Variants in SAMD5 observed in about 807,000 individuals in gnomAD.
SAMD5 encodes the protein sterile alpha motif domain-containing protein 5.
Under a neutral mutation model 11.3 loss-of-function variants are expected in SAMD5, and 13 were observed. That is an observed-to-expected ratio of 1.15 (90% confidence interval 0.75 to 1.83). SAMD5 has a LOEUF of 1.83. Ranked by LOEUF, SAMD5 falls within the 40% of genes most tolerant of loss-of-function variation. SAMD5 has a pLI of 0.00. For missense variants in SAMD5, 255 were observed against 239.1 expected (o/e 1.07, Z -0.44); for synonymous variants, 129 against 111.3 (o/e 1.16, Z -1.00).
intron 1 of SAMD5, among the ~76,000 whole-genome samples, chr6:147,538,486 T>A (rs997417663): frequency 3.9e-5 from 6 of 152,248 alleles, no homozygotes; most frequent in South Asian, 2.1e-4. Flanking sequence ...TATGTTATAA[T>A]GTTAACTTTT....
At chr6:147,657,078 G>T (rs1255826562) in intron 1 of SAMD5, among the ~76,000 whole-genome samples, 1 of 151,970 alleles carries the variant, frequency 6.6e-6, no homozygotes, top group Non-Finnish European at 1.5e-5. Flanking sequence ...AAAAATATGA[G>T]GAATTTTCAC....
At chr6:147,856,807 G>A in the SAMD5 span, among the ~76,000 whole-genome samples, 10 of 110,712 alleles carry the variant, frequency 9.0e-5, 1 homozygote, top group Admixed American at 3.6e-4. Flanking sequence ...TAATGACTTA[G>A]TTTTCTGGGG....
chr6:147,516,052 G>C (rs1324418055), intron 1 of SAMD5, among the ~76,000 whole-genome samples: 1 of 152,178 alleles, frequency 6.6e-6, no homozygotes, highest in Non-Finnish European at 1.5e-5. Context: ...AGGAGGTGCT[G>C]ATTCTCAGGC....
intron 1 of SAMD5, among the ~76,000 whole-genome samples, chr6:147,694,952 A>G (rs190510592): frequency 3.9e-5 from 6 of 152,334 alleles, no homozygotes; most frequent in Admixed American, 3.3e-4. Flanking sequence ...TAATCTGGAA[A>G]CTGATTTTGA....
rs567843489 is a variant in SAMD5, at chr6:147,627,958, A to G, written c.163-109359A>G. On this transcript the variant is annotated intron_variant, in intron 1 of 1. Coordinates refer to the SAMD5 transcript ENST00000566741. ...TTGTGTGTGAAAGGGTTAATAATAA[A>G]GGCTGTTGTATTCCCCTGCCCAGGA... 2.6e-5 allele frequency among the ~76,000 whole-genome samples: 4 copies of G among 152,366 alleles called. No individual in the cohort carries two copies. The South Asian group carries it at 6.2e-4, about 24-fold the overall frequency.
At chr6:147,802,940 T>A in the SAMD5 span, among the ~76,000 whole-genome samples, 1 of 152,210 alleles carries the variant, frequency 6.6e-6, no homozygotes, top group South Asian at 2.1e-4. Context: ...TGGGGGTGTT[T>A]ATGTGTTGAC....
chr6:147,926,181 A>G, the SAMD5 span, among the ~76,000 whole-genome samples: 1 of 152,156 alleles, frequency 6.6e-6, no homozygotes. Flanking sequence ...ACAATGATTT[A>G]TATGCCTCTG....
intron 1 of SAMD5, among the ~76,000 whole-genome samples, chr6:147,607,189 C>CA (rs1351261077): frequency 1.3e-5 from 2 of 151,602 alleles, no homozygotes; most frequent in Non-Finnish European, 1.5e-5. Context: ...TGGAGCACAC[C>CA]AAAAAAATGG....
intron 1 of SAMD5, among the ~76,000 whole-genome samples, chr6:147,629,615 T>G (rs1790110171): frequency 6.6e-6 from 1 of 152,204 alleles, no homozygotes; most frequent in Non-Finnish European, 1.5e-5. Context: ...CAGAAGATCT[T>G]ATATTATTTG....
chr6:147,541,157 C>T (rs1463964421), intron 1 of SAMD5, among the ~76,000 whole-genome samples: 1 of 151,948 alleles, frequency 6.6e-6, no homozygotes, highest in Non-Finnish European at 1.5e-5. Flanking sequence ...ACCATGTTGG[C>T]CAGGCTGGTT....
the SAMD5 span, among the ~76,000 whole-genome samples, chr6:147,883,073 G>C: frequency 5.3e-5 from 8 of 152,298 alleles, no homozygotes; most frequent in South Asian, 2.1e-4. Context: ...AAAACATTCT[G>C]TAAATTACAT....
chr6:147,608,256 C>G lies in SAMD5; in HGVS notation c.162+98869C>G, dbSNP rs563500308. Among the ~76,000 whole-genome samples the G allele has an allele frequency of 3.9e-5, 6 of 152,252 alleles. No homozygotes were observed. The East Asian group carries it at 9.6e-4, about 24-fold the overall frequency. On this transcript the variant is annotated intron_variant, in intron 1 of 1. Coordinates refer to the SAMD5 transcript ENST00000566741. ...GTTCCTCAAAATACTAAAAATTGAG[C>G]TACCATGTGATCCACCAATCCTTCC...
chr6:147,534,254 T>C (rs1265483811), intron 1 of SAMD5, among the ~76,000 whole-genome samples: 1 of 152,212 alleles, frequency 6.6e-6, no homozygotes, highest in Non-Finnish European at 1.5e-5. Flanking sequence ...AGAGCACTTG[T>C]AGAGACATGA....
intron 1 of SAMD5, among the ~76,000 whole-genome samples, chr6:147,642,304 A>G (rs1335007075): frequency 1.3e-5 from 2 of 152,220 alleles, no homozygotes; most frequent in Admixed American, 6.5e-5. Flanking sequence ...ATTTAATTCT[A>G]TATGACAAGG....
At chr6:147,663,706 CA>C (rs1210363071) in intron 1 of SAMD5, among the ~76,000 whole-genome samples, 1 of 148,332 alleles carries the variant, frequency 6.7e-6, no homozygotes, top group Non-Finnish European at 1.5e-5. Context: ...GCAGGAGAAC[CA>C]CTTGAACCCG....
At chr6:147,765,609 C>T in the SAMD5 span, among the ~76,000 whole-genome samples, 2 of 152,274 alleles carry the variant, frequency 1.3e-5, no homozygotes, top group South Asian at 2.1e-4. Flanking sequence ...GAAATTTCCA[C>T]CTAGCCTGCA....
intron 1 of SAMD5, chr6:147,737,254 T>C: frequency 9.6e-7 from 1 of 1,044,436 alleles, no homozygotes; most frequent in Admixed American, 3.1e-5. Flanking sequence ...TCACCGTGCT[T>C]TTTCACTATG....
At chr6:147,527,378 G>T (rs916943618) in intron 1 of SAMD5, among the ~76,000 whole-genome samples, 60 of 152,180 alleles carry the variant, frequency 3.9e-4, no homozygotes, top group African/African-American at 1.4e-3. Context: ...GAGCAAGGGC[G>T]GAGGTGCCAC....
rs146207646 is a variant in SAMD5 at position 147,706,467 on chromosome 6, A to G, written c.163-30850A>G. ...GCTCTCGAACTCCTGACTTCAGGTG[A>G]TCTGACCACCTTGGCCTGCCAAAGT... On this transcript the variant is annotated intron_variant, in intron 1 of 1. Transcript: ENST00000566741. Among the ~76,000 whole-genome samples the G allele has an allele frequency of 3.9e-5, 6 of 152,282 alleles. No homozygotes were observed. The East Asian group carries it at 1.2e-3, about 29-fold the overall frequency.
Sources: allele counts gnomAD v4.1 joint callset (sites outside exome capture counted in the v4.1 genomes callset), GRCh38; gene constraint gnomAD v4.1.1; transcripts MANE v1.5; gene names NCBI Gene and HGNC (gene_info 2026-07-23, HGNC 2026-07-21).